Variants in POLR1E observed in about 807,000 individuals in gnomAD.
POLR1E encodes RNA polymerase I subunit E.
POLR1E carries 37 observed loss-of-function variants against 50.9 expected under a neutral mutation model. That is an observed-to-expected ratio of 0.73 (90% CI 0.56 to 0.96). The LOEUF is 0.96. POLR1E is among the 40% of genes least tolerant of loss of function. The probability of loss-of-function intolerance (pLI) is 0.00; values close to 1 mark genes in which losing one functional copy is unlikely to be tolerated. For missense variants in POLR1E, 426 were observed against 518.1 expected (o/e 0.82, Z 1.73); for synonymous variants, 166 against 191.6 (o/e 0.87, Z 1.10).
chr9:37,501,917 G>A, intron 11 of POLR1E, 73 bp downstream of exon 11: 1 of 1,489,732 alleles, frequency 6.7e-7, no homozygotes, highest in Non-Finnish European at 9.1e-7. Context: ...TGGAAAGCAT[G>A]AGGCACCACC....
rs559520371 is a variant in POLR1E at position 37,498,871 on chromosome 9, T to A, written c.886+647T>A. On this transcript the variant is annotated intron_variant, in intron 9 of 11. Transcript: ENST00000377798. ...TCCTGTTTTTCAGTATAGTCATGTGTCGCTTAATGATGGGGATATGTTCTG... is the reference window on the plus strand; with the variant it reads ...TCCTGTTTTTCAGTATAGTCATGTGACGCTTAATGATGGGGATATGTTCTG... 1.1e-4 allele frequency among the ~76,000 whole-genome samples: 17 copies of A among 152,332 alleles called. No individual in the cohort carries two copies. The East Asian group carries it at 2.9e-3, about 26-fold the overall frequency.
Position 37,498,241 on chromosome 9 carries a change from C to G in POLR1E, c.886+17C>G. 1 of 1,601,862 alleles carries G rather than the reference C, an allele frequency of 6.2e-7. No individual in the cohort carries two copies. Among genetic ancestry groups the G allele is most frequent in the Non-Finnish European group, 8.5e-7 (1 of 1,172,336 alleles). Reference sequence around the variant, plus strand: ...AGCGGAAAAGTAAGTCTATGATAAACATTTTATTCTAATTGTTTCCAGTAT... The same window carrying G: ...AGCGGAAAAGTAAGTCTATGATAAAGATTTTATTCTAATTGTTTCCAGTAT... On this transcript the variant is annotated intron_variant, in intron 9 of 11. Coordinates refer to ENST00000377798, the MANE Select transcript of POLR1E (RefSeq NM_022490.4).
chr9:37,491,090 A>G (rs1820675120), intron 4 of POLR1E, among the ~76,000 whole-genome samples: 1 of 152,188 alleles, frequency 6.6e-6, no homozygotes, highest in Non-Finnish European at 1.5e-5. Context: ...TCCCTAATCC[A>G]GTGGAAGAAT....
Position 37,488,637 on chromosome 9 carries a change from T to C in POLR1E, c.258-678T>C, listed in dbSNP as rs550798928. 6.1e-4 allele frequency among the ~76,000 whole-genome samples: 93 copies of C among 152,350 alleles called. 1 individual carries two copies. Among genetic ancestry groups the C allele is most frequent in the African/African-American group, 2.1e-3 (89 of 41,582 alleles). On this transcript the variant is annotated intron_variant, in intron 3 of 11. Coordinates refer to ENST00000377798, the MANE Select transcript of POLR1E (RefSeq NM_022490.4). ...AGTTCCAATTGGTCTCCTCCCCGTTTACTTGATTTTGCCTCCATAAAACTG... is the reference window on the plus strand; with the variant it reads ...AGTTCCAATTGGTCTCCTCCCCGTTCACTTGATTTTGCCTCCATAAAACTG...
At chr9:37,486,422 T>C in intron 1 of POLR1E, 1 of 1,533,568 alleles carries the variant, frequency 6.5e-7, no homozygotes. Flanking sequence ...GGGCAGGGGT[T>C]CCTTCTGTCA....
At position 37,503,302 on chromosome 9, in the gene POLR1E, G is replaced by T; in HGVS notation, c.*100G>T. 1 of 1,399,604 alleles carries T rather than the reference G, an allele frequency of 7.1e-7. No individual in the cohort carries two copies. Among genetic ancestry groups the T allele is most frequent in the Non-Finnish European group, 9.5e-7 (1 of 1,054,140 alleles). 86.7% of individuals were successfully genotyped at this position (1,399,604 alleles called of 1,614,324 possible). A position where few individuals can be genotyped will look rare whatever the true frequency, so the allele number is the denominator to read the frequency against. On this transcript the variant is annotated 3_prime_UTR_variant, in exon 12 of 12. Transcript: ENST00000377798. ...TATGTTTTGAAAAGAAAAGGTCCGG[G>T]GATGGTGGCTCACACCTGAAATCCC...
At chr9:37,492,283 T>A in intron 4 of POLR1E, 1 of 1,292,442 alleles carries the variant, frequency 7.7e-7, no homozygotes, top group Non-Finnish European at 1.0e-6. Flanking sequence ...TGCTTTTAGG[T>A]CTTTCACCAA....
chr9:37,499,850 T>C (rs961936173), intron 9 of POLR1E, among the ~76,000 whole-genome samples: 1 of 134,544 alleles, frequency 7.4e-6, no homozygotes, highest in African/African-American at 3.4e-5. Context: ...GCTTAGTTCT[T>C]TTTTTTTTTT....
chr9:37,492,530 G>T, intron 4 of POLR1E, 127 bp from the exon 5 acceptor site: 3 of 920,502 alleles, frequency 3.3e-6, no homozygotes. Flanking sequence ...CTCATGTTAG[G>T]CTCAGGGAAG....
At chr9:37,486,225 G>A in intron 1 of POLR1E, 102 bp downstream of exon 1, 1 of 1,409,106 alleles carries the variant, frequency 7.1e-7, no homozygotes, top group Non-Finnish European at 9.4e-7. Context: ...TCCCCAGCGG[G>A]GCCGGGACCC....
rs1820704008 is a variant in POLR1E at position 37,492,593 on chromosome 9, C to T, written c.344-64C>T. On this transcript the variant is annotated intron_variant, in intron 4 of 11. Transcript: ENST00000377798. ...TAGATAGACAAATGAATATTAAACA[C>T]TATTACTATTTGTAGGCCTCCCAAT... The T allele has an allele frequency of 1.1e-5, 16 of 1,397,564 alleles. No homozygotes were observed. The East Asian group carries it at 3.7e-4, about 32-fold the overall frequency. The allele number at this position is 1,397,564 out of a possible 1,614,324, so 86.6% of individuals were successfully genotyped here. A position where few individuals can be genotyped will look rare whatever the true frequency, so the allele number is the denominator to read the frequency against.
chr9:37,486,418 G>C (rs531917898), intron 1 of POLR1E: 2 of 1,530,666 alleles, frequency 1.3e-6, no homozygotes, highest in East Asian at 4.9e-5. Flanking sequence ...CACTGGGCAG[G>C]GGTTCCTTCT....
At position 37,503,687 on chromosome 9, in the gene POLR1E, GT is replaced by G. The variant is rs1820937330; in HGVS notation, c.*487del. 1 of 152,296 alleles carries G rather than the reference GT, an allele frequency of 6.6e-6. No individual in the cohort carries two copies. The highest frequency in any genetic ancestry group is 6.5e-5 in the Admixed American group (1 of 15,284). 9.4% of individuals were successfully genotyped at this position (152,296 alleles called of 1,614,324 possible). A position where few individuals can be genotyped will look rare whatever the true frequency, so the allele number is the denominator to read the frequency against. On this transcript the variant is annotated 3_prime_UTR_variant, in exon 12 of 12. Transcript: ENST00000377798. ...TGCAGAAATATAAAGCGATGGCCAG[GT>G]TGGACTTCATCTCTCTCCTTTGGTA...
intron 5 of POLR1E, 112 bp downstream of exon 5, chr9:37,492,827 C>T (rs1820709147): frequency 3.4e-6 from 3 of 890,438 alleles, no homozygotes; most frequent in Non-Finnish European, 5.4e-6. Flanking sequence ...TGGCTGCTCC[C>T]CGCTCATTCA....
intron 4 of POLR1E, chr9:37,490,927 C>G: frequency 2.2e-6 from 1 of 448,754 alleles, no homozygotes; most frequent in African/African-American, 2.0e-5. Flanking sequence ...CAGTTCTGGC[C>G]GAAAGGGTTC....
Position 37,501,855 on chromosome 9 carries a change from C to A in POLR1E, c.1100+11C>A, listed in dbSNP as rs1288431527. 6.2e-7 allele frequency: 1 copy of A among 1,609,508 alleles called. No individual in the cohort carries two copies. The highest frequency in any genetic ancestry group is 1.1e-5 in the South Asian group (1 of 89,900). ...GCTCAGTGAGAAAAGGTGAGCACAA[C>A]AGAATAAAGAGCTCCCTGCAGGGTG... On this transcript the variant is annotated intron_variant, in intron 11 of 11. Transcript: ENST00000377798.
Position 37,492,646 on chromosome 9 carries a change from T to G in POLR1E, c.344-11T>G, listed in dbSNP as rs1820705145. 6.2e-7 allele frequency: 1 copy of G among 1,613,436 alleles called. No homozygotes were observed. The highest frequency in any genetic ancestry group is 1.1e-5 in the South Asian group (1 of 91,022). ...ACTTTTCTTTCTCTCTGTTTTTGTGTGTTTTGATAGATGTATCAGTTGAGA... is the reference window on the plus strand; with the variant it reads ...ACTTTTCTTTCTCTCTGTTTTTGTGGGTTTTGATAGATGTATCAGTTGAGA... On this transcript the variant is annotated splice_polypyrimidine_tract_variant and intron_variant, in intron 4 of 11. Coordinates refer to ENST00000377798, the MANE Select transcript of POLR1E (RefSeq NM_022490.4).
chr9:37,487,970 G>T lies in POLR1E; in HGVS notation c.257+31G>T, dbSNP rs777295702. On this transcript the variant is annotated intron_variant, in intron 3 of 11. Coordinates refer to ENST00000377798, the MANE Select transcript of POLR1E (RefSeq NM_022490.4). ...GGCAGGGGAAGGGACAGTGGGAAGG[G>T]TGATGGGGTTGGGAGTGGTGGCAGC... 7.5e-6 allele frequency: 12 copies of T among 1,609,064 alleles called. No homozygotes were observed. The Middle Eastern group carries it at 6.6e-4, about 88-fold the overall frequency.
At position 37,485,996 on chromosome 9, in the gene POLR1E, G is replaced by A. The variant is rs946646150; in HGVS notation, c.-52G>A. 6.4e-7 allele frequency: 1 copy of A among 1,568,944 alleles called. No homozygotes were observed. The highest frequency in any genetic ancestry group is 8.6e-7 in the Non-Finnish European group (1 of 1,157,488). On this transcript the variant is annotated 5_prime_UTR_variant, in exon 1 of 12. Transcript: ENST00000377798. ...TGGGCTCCCGCGTGTTTAAAAGTGCGCTTGTGGCTGCTGCTGTCTTAACTC... is the reference window on the plus strand; with the variant it reads ...TGGGCTCCCGCGTGTTTAAAAGTGCACTTGTGGCTGCTGCTGTCTTAACTC...
Sources: gnomAD v4.1 joint callset for allele counts (sites outside exome capture counted in the v4.1 genomes callset) on GRCh38, gnomAD v4.1.1 for gene constraint, MANE v1.5 for transcripts, NCBI Gene and HGNC (gene_info 2026-07-23, HGNC 2026-07-21) for gene names.